NDST4: variants seen among roughly 807,000 people sequenced by gnomAD.
The protein encoded by NDST4 is N-heparan sulfate sulfotransferase 4.
Under a neutral mutation model 100.8 loss-of-function variants are expected in NDST4, and 63 were observed. The observed-to-expected ratio is 0.62, with a 90% confidence interval of 0.51 to 0.77. NDST4 has a LOEUF of 0.77. Among genes scored for constraint, NDST4 ranks in the 30% least tolerant of loss-of-function variants. The pLI, the probability that NDST4 is intolerant of heterozygous loss-of-function variation, is 0.00. For synonymous variants in NDST4, 377 were observed against 361.8 expected, an observed-to-expected ratio of 1.04 and a Z score of -0.48; for missense variants, 943 against 1,018.4, an observed-to-expected ratio of 0.93 and a Z score of 1.01.
chr4:114,890,348 C>T (rs1461709664), intron 6 of NDST4, among the ~76,000 whole-genome samples: 1 of 151,898 alleles, frequency 6.6e-6, no homozygotes, highest in Non-Finnish European at 1.5e-5. Flanking sequence ...AATATTAGAG[C>T]AACTTTAAAT....
At chr4:115,022,419 C>CAT (rs76015680) in intron 2 of NDST4, among the ~76,000 whole-genome samples, 4,143 of 14,300 alleles carry the variant, frequency 0.29, 352 homozygotes, top group East Asian at 0.44. Flanking sequence ...ATATGTGTTC[C>CAT]ATATATATGT....
intron 10 of NDST4, among the ~76,000 whole-genome samples, chr4:114,840,482 G>A (rs1047771972): frequency 6.6e-6 from 1 of 152,096 alleles, no homozygotes; most frequent in African/African-American, 2.4e-5. Flanking sequence ...TTGATTAGAG[G>A]TAGAAGTTAC....
At chr4:114,900,118 T>C (rs763200921) in intron 6 of NDST4, among the ~76,000 whole-genome samples, 3 of 152,174 alleles carry the variant, frequency 2.0e-5, no homozygotes, top group African/African-American at 4.8e-5. Flanking sequence ...TATGTAGACA[T>C]GGAGTTGTTC....
intron 6 of NDST4, among the ~76,000 whole-genome samples, chr4:114,925,048 G>A (rs1184544571): frequency 6.6e-6 from 1 of 152,036 alleles, no homozygotes; most frequent in Non-Finnish European, 1.5e-5. Context: ...AGGTCTCCAA[G>A]TTAGAAATAT....
At chr4:114,879,607 C>T (rs1724324382) in intron 6 of NDST4, among the ~76,000 whole-genome samples, 1 of 152,146 alleles carries the variant, frequency 6.6e-6, no homozygotes, top group Non-Finnish European at 1.5e-5. Flanking sequence ...TACAGGGACT[C>T]TGGTGCTGTT....
chr4:115,099,898 T>G (rs1199442940), intron 1 of NDST4, among the ~76,000 whole-genome samples: 1 of 152,160 alleles, frequency 6.6e-6, no homozygotes, highest in Non-Finnish European at 1.5e-5. Flanking sequence ...TGCCAAGGCT[T>G]GGAAGCTACC....
At chr4:115,087,187 G>A (rs1329752633) in intron 1 of NDST4, among the ~76,000 whole-genome samples, 1 of 151,942 alleles carries the variant, frequency 6.6e-6, no homozygotes, top group Non-Finnish European at 1.5e-5. Context: ...CTGTGACTCT[G>A]TCTCATTTTG....
intron 2 of NDST4, among the ~76,000 whole-genome samples, chr4:115,037,966 T>G (rs532693345): frequency 2.6e-5 from 4 of 152,282 alleles, no homozygotes; most frequent in Admixed American, 2.6e-4. Context: ...GTAAAATACA[T>G]GTTTTGACTA....
intron 9 of NDST4, among the ~76,000 whole-genome samples, chr4:114,847,613 C>A (rs113963261): frequency 3.9e-5 from 6 of 152,010 alleles, no homozygotes; most frequent in African/African-American, 1.4e-4. Flanking sequence ...AAATCATTTC[C>A]AGTATCAGGT....
At chr4:115,088,286 A>T (rs904204976) in intron 1 of NDST4, among the ~76,000 whole-genome samples, 4 of 150,572 alleles carry the variant, frequency 2.7e-5, no homozygotes, top group African/African-American at 9.8e-5. Flanking sequence ...CTGCCTCCTG[A>T]TTCCATAGAT....
chr4:114,829,726 A>G, intron 13 of NDST4, 64 bp downstream of exon 13: 1 of 1,170,362 alleles, frequency 8.5e-7, no homozygotes, highest in Non-Finnish European at 1.2e-6. Context: ...TCTTGTTACT[A>G]GTTTTGAAAT....
At chr4:114,917,693 G>T (rs1488267112) in intron 6 of NDST4, among the ~76,000 whole-genome samples, 2 of 152,148 alleles carry the variant, frequency 1.3e-5, no homozygotes, top group Non-Finnish European at 2.9e-5. Flanking sequence ...AACACAGAAA[G>T]GGAGTGCAGG....
chr4:115,040,851 C>G (rs1728333970), intron 2 of NDST4, among the ~76,000 whole-genome samples: 1 of 150,524 alleles, frequency 6.6e-6, no homozygotes, highest in African/African-American at 2.4e-5. Flanking sequence ...TCTATATGTG[C>G]ATATATATAT....
In NDST4 at chr4:114,912,766, T is replaced by G. The variant is rs557100560; in HGVS notation, c.1536+22440A>C. Among the ~76,000 whole-genome samples the G allele has an allele frequency of 5.9e-5, 9 of 152,270 alleles. No homozygotes were observed. The South Asian group carries it at 1.7e-3, about 28-fold the overall frequency. ...TTTTGGGGGCAAGAATTATCATGTCTGCTTCACTGTTTGGGTCATTAGCGT... is the reference window on the plus strand; with the variant it reads ...TTTTGGGGGCAAGAATTATCATGTCGGCTTCACTGTTTGGGTCATTAGCGT... On this transcript the variant is annotated intron_variant, in intron 6 of 13. Coordinates refer to ENST00000264363, the MANE Select transcript of NDST4 (RefSeq NM_022569.3).
At chr4:114,833,530 G>T in intron 12 of NDST4, 76 bp downstream of exon 12, 1 of 906,204 alleles carries the variant, frequency 1.1e-6, no homozygotes, top group Non-Finnish European at 1.8e-6. Flanking sequence ...TATTAATGAT[G>T]TTATATACAC....
Position 115,055,331 on chromosome 4 carries a change from CA to C in NDST4, c.978+20727del, listed in dbSNP as rs1338958078. ...TAAATGTAATGTACTTGAATCCTCC[CA>C]AAACCATCCTCTTACCTCTCGTCTG... On this transcript the variant is annotated intron_variant, in intron 2 of 13. Transcript: ENST00000264363. Among the ~76,000 whole-genome samples, 12 of 152,178 alleles carry C rather than the reference CA, an allele frequency of 7.9e-5. No individual in the cohort carries two copies. The East Asian group carries it at 1.5e-3, about 20-fold the overall frequency.
intron 2 of NDST4, among the ~76,000 whole-genome samples, chr4:114,987,089 G>A (rs182466139): frequency 2.4e-4 from 37 of 151,780 alleles, no homozygotes; most frequent in African/African-American, 8.0e-4. Context: ...TGAAAATAGC[G>A]GAATGAATCT....
intron 1 of NDST4, among the ~76,000 whole-genome samples, chr4:115,103,468 C>A (rs891541906): frequency 6.6e-6 from 1 of 152,088 alleles, no homozygotes; most frequent in Non-Finnish European, 1.5e-5. Flanking sequence ...GTACTCAAGA[C>A]TTACAAAGAA....
chr4:114,830,002 T>C (rs1723161373), intron 12 of NDST4, 110 bp from the exon 13 acceptor site: 1 of 736,260 alleles, frequency 1.4e-6, no homozygotes. Flanking sequence ...TGATTTAATT[T>C]AATTCATTTT....
Sources: allele counts gnomAD v4.1 joint callset (sites outside exome capture counted in the v4.1 genomes callset), GRCh38; gene constraint gnomAD v4.1.1; transcripts MANE v1.5; gene names NCBI Gene and HGNC (gene_info 2026-07-23, HGNC 2026-07-21).